LARGE1: variants seen among roughly 807,000 people sequenced by gnomAD.
LARGE1 encodes the protein LARGE xylosyl- and glucuronyltransferase 1, also known as xylosyl- and glucuronyltransferase LARGE1.
LARGE1 carries 43 observed loss-of-function variants against 87.6 expected under a neutral mutation model. That is an observed-to-expected ratio of 0.49 (90% CI 0.38 to 0.63). The LOEUF (loss-of-function observed/expected upper bound fraction) is 0.63, where lower values mean the gene tolerates loss of function less well. Among genes scored for constraint, LARGE1 ranks in the 30% least tolerant of loss-of-function variants. The pLI is 0.00. For synonymous variants in LARGE1, 434 were observed against 394.6 expected (o/e 1.10, Z -1.18); for missense variants, 802 against 1,000.2 (o/e 0.80, Z 2.67).
intron 2 of LARGE1, among the ~76,000 whole-genome samples, chr22:33,660,769 C>T (rs1428896924): frequency 6.6e-6 from 1 of 152,200 alleles, no homozygotes; most frequent in Non-Finnish European, 1.5e-5. Context: ...TGGCTATTTA[C>T]TATAAAATCA....
At chr22:33,105,048 A>G in the LARGE1 span, among the ~76,000 whole-genome samples, 1 of 147,650 alleles carries the variant, frequency 6.8e-6, no homozygotes, top group South Asian at 2.2e-4. Context: ...CCCAGGCTGG[A>G]GTGCAGTGGT....
chr22:33,630,917 A>T lies in LARGE1; in HGVS notation c.409-4591T>A, dbSNP rs553160061. ...GCCCAGGATGGAGTGCAGTGATGTG[A>T]TCTCGGCTTACTGCAACTTCTGCCT... On this transcript the variant is annotated intron_variant, in intron 3 of 14. Transcript: ENST00000397394. 6.0e-5 allele frequency among the ~76,000 whole-genome samples: 9 copies of T among 151,120 alleles called. 1 individual carries two copies. In the South Asian group the frequency reaches 1.9e-3, roughly 31 times the overall value.
chr22:33,287,755 A>G (rs1331001278), intron 12 of LARGE1, among the ~76,000 whole-genome samples: 3 of 152,240 alleles, frequency 2.0e-5, no homozygotes, highest in Admixed American at 1.3e-4. Flanking sequence ...TGAGTGAGAA[A>G]GCTGGGCGAA....
At chr22:33,504,222 A>T (rs1294375994) in intron 6 of LARGE1, among the ~76,000 whole-genome samples, 1 of 152,178 alleles carries the variant, frequency 6.6e-6, no homozygotes, top group African/African-American at 2.4e-5. Flanking sequence ...CTCTGAATAT[A>T]CTAAAATCCC....
chr22:33,692,284 C>T lies in LARGE1; in HGVS notation c.107-41616G>A, dbSNP rs78399528. On this transcript the variant is annotated intron_variant, in intron 2 of 14. Transcript: ENST00000397394. ...AACAGGGGCTATGCATGCAGTAACA[C>T]GGCCTTCCCCAATAACAGCAACATT... is the stretch of plus-strand genomic sequence containing the variant. Among the ~76,000 whole-genome samples the T allele has an allele frequency of 7.9e-3, 1,196 of 151,444 alleles. 13 individuals are homozygous for T. Among genetic ancestry groups the T allele is most frequent in the African/African-American group, 0.027 (1,133 of 41,454 alleles).
At chr22:33,770,229 T>C (rs900040545) in intron 1 of LARGE1, among the ~76,000 whole-genome samples, 5 of 152,272 alleles carry the variant, frequency 3.3e-5, no homozygotes, top group South Asian at 4.1e-4. Context: ...GATATTAAAA[T>C]GTGTAACTCA....
intron 6 of LARGE1, among the ~76,000 whole-genome samples, chr22:33,471,166 T>C (rs1448487702): frequency 1.3e-5 from 2 of 151,972 alleles, no homozygotes; most frequent in African/African-American, 4.8e-5. Context: ...TAGCTGGGGT[T>C]AAGGGCACAC....
chr22:33,824,907 G>A (rs1320227049), intron 1 of LARGE1, among the ~76,000 whole-genome samples: 1 of 152,164 alleles, frequency 6.6e-6, no homozygotes, highest in Non-Finnish European at 1.5e-5. Context: ...CAGTTTTGGG[G>A]AAGAAGGGAC....
chr22:33,506,271 T>C (rs1341836067), intron 6 of LARGE1, among the ~76,000 whole-genome samples: 1 of 152,134 alleles, frequency 6.6e-6, no homozygotes, highest in African/African-American at 2.4e-5. Flanking sequence ...AGGCAGCTGC[T>C]GCTTTTGGAA....
At chr22:33,784,499 G>A (rs1001356381) in intron 1 of LARGE1, among the ~76,000 whole-genome samples, 4 of 152,126 alleles carry the variant, frequency 2.6e-5, no homozygotes, top group Admixed American at 1.3e-4. Context: ...CTAACTTCTC[G>A]CTTAAATTTG....
chr22:33,090,547 G>T, the LARGE1 span, among the ~76,000 whole-genome samples: 1 of 152,182 alleles, frequency 6.6e-6, no homozygotes. Context: ...TCTAAGTTGG[G>T]AATGTGTCTG....
At chr22:33,394,433 C>T (rs921187427) in intron 7 of LARGE1, among the ~76,000 whole-genome samples, 12 of 152,174 alleles carry the variant, frequency 7.9e-5, no homozygotes, top group African/African-American at 2.7e-4. Flanking sequence ...CTCCTGACCT[C>T]GTAATCCGCA....
intron 1 of LARGE1, among the ~76,000 whole-genome samples, chr22:33,878,785 A>G (rs1324932164): frequency 6.6e-6 from 1 of 152,150 alleles, no homozygotes. Context: ...CAGAACTAAC[A>G]TTCAATTACT....
chr22:33,464,744 C>A (rs1366779439), intron 6 of LARGE1, among the ~76,000 whole-genome samples: 1 of 152,132 alleles, frequency 6.6e-6, no homozygotes, highest in Non-Finnish European at 1.5e-5. Context: ...AAGAACTCTT[C>A]ATCACTAGTA....
intron 1 of LARGE1, among the ~76,000 whole-genome samples, chr22:33,860,251 C>T (rs528036372): frequency 6.6e-6 from 1 of 152,254 alleles, no homozygotes; most frequent in East Asian, 1.9e-4. Flanking sequence ...TTCAGCTTCC[C>T]AAAGTGTTAG....
intron 6 of LARGE1, among the ~76,000 whole-genome samples, chr22:33,488,127 C>T (rs527306044): frequency 1.3e-5 from 2 of 152,286 alleles, no homozygotes; most frequent in South Asian, 2.1e-4. Flanking sequence ...CGTTGACTTC[C>T]AAATGTCTAG....
the LARGE1 span, among the ~76,000 whole-genome samples, chr22:33,080,532 C>T: frequency 1.3e-5 from 2 of 152,208 alleles, no homozygotes; most frequent in Non-Finnish European, 1.5e-5. Context: ...GGGGATGACA[C>T]AGACACTTCA....
chr22:33,228,059 G>C (rs745802239), intron 11 of LARGE1, among the ~76,000 whole-genome samples: 1 of 152,198 alleles, frequency 6.6e-6, no homozygotes, highest in Admixed American at 6.5e-5. Context: ...TAAGCATGAG[G>C]CTGTAGCATT....
At chr22:33,855,949 G>T (rs962845586) in intron 1 of LARGE1, among the ~76,000 whole-genome samples, 2 of 152,118 alleles carry the variant, frequency 1.3e-5, no homozygotes, top group African/African-American at 4.8e-5. Flanking sequence ...AAGAGAACAG[G>T]AATAATAAAT....
Sources: allele counts gnomAD v4.1 joint callset (sites outside exome capture counted in the v4.1 genomes callset), GRCh38; gene constraint gnomAD v4.1.1; transcripts MANE v1.5; gene names NCBI Gene and HGNC (gene_info 2026-07-23, HGNC 2026-07-21).